PDE4D: variants seen among roughly 807,000 people sequenced by gnomAD.
The protein encoded by PDE4D is 3',5'-cyclic-AMP phosphodiesterase 4D.
PDE4D carries 24 observed loss-of-function variants against 87.4 expected under a neutral mutation model. The observed-to-expected ratio is 0.27, with a 90% CI of 0.20 to 0.39. The LOEUF (loss-of-function observed/expected upper bound fraction) is 0.39, where lower values mean the gene tolerates loss of function less well. Ranked by LOEUF, PDE4D falls within the 10% of genes least tolerant of loss-of-function variation. The pLI, the probability that PDE4D is intolerant of heterozygous loss-of-function variation, is 1.00. For synonymous variants in PDE4D, 384 were observed against 383.2 expected (o/e 1.00, Z -0.02); for missense variants, 714 against 1,041.0 (o/e 0.69, Z 4.32).
At chr5:59,215,670 T>C in intron 2 of PDE4D, 107 bp downstream of exon 2, 1 of 900,996 alleles carries the variant, frequency 1.1e-6, no homozygotes, top group South Asian at 1.5e-5. Context: ...CTTTCTACAT[T>C]GGAGGAGAGT....
At chr5:59,394,451 GC>G (rs1223434961) in intron 1 of PDE4D, among the ~76,000 whole-genome samples, 4 of 151,876 alleles carry the variant, frequency 2.6e-5, no homozygotes, top group Admixed American at 6.6e-5. Flanking sequence ...TTCTTTTTTT[GC>G]CCAATGTGTA....
At chr5:59,031,929 G>C (rs1757618819) in intron 6 of PDE4D, among the ~76,000 whole-genome samples, 3 of 152,038 alleles carry the variant, frequency 2.0e-5, no homozygotes, top group Admixed American at 2.0e-4. Context: ...GTTACCAGAG[G>C]CTGTAGAGGA....
At chr5:59,625,587 C>T (rs550327713) in intron 1 of PDE4D, among the ~76,000 whole-genome samples, 4 of 151,892 alleles carry the variant, frequency 2.6e-5, no homozygotes, top group East Asian at 1.9e-4. Context: ...ATAGCCAAAA[C>T]ATCTGGATAA....
In PDE4D at chr5:58,996,518, T is replaced by C. The variant is rs199921983; in HGVS notation, c.922-3053A>G. On this transcript the variant is annotated intron_variant, in intron 6 of 14. Transcript: ENST00000340635. ...AGGAGATGAGGCAAAGCTTTCACCA[T>C]TGCTAGAATCTCAGCAGTCTATACA... Among the ~76,000 whole-genome samples the C allele has an allele frequency of 3.1e-3, 469 of 152,266 alleles. 14 individuals are homozygous for C. The highest frequency in any genetic ancestry group is 1.2e-3 in the East Asian group (6 of 5,178).
chr5:60,129,475 A>G (rs555673319), intron 2 of PDE4D, among the ~76,000 whole-genome samples: 2 of 152,320 alleles, frequency 1.3e-5, no homozygotes, highest in South Asian at 4.1e-4. Flanking sequence ...GTATCTGATC[A>G]GTAATTTGAT....
At chr5:60,147,050 G>T (rs1781068574) in intron 2 of PDE4D, among the ~76,000 whole-genome samples, 1 of 152,124 alleles carries the variant, frequency 6.6e-6, no homozygotes, top group Admixed American at 6.5e-5. Context: ...CCATTCAAAT[G>T]AGCCACCATT....
At chr5:59,971,539 A>G (rs1760771726) in intron 3 of PDE4D, among the ~76,000 whole-genome samples, 2 of 152,132 alleles carry the variant, frequency 1.3e-5, no homozygotes, top group East Asian at 1.9e-4. Context: ...AACCACTCTC[A>G]TTAGGAGTCC....
At chr5:60,304,473 G>A (rs1248979545) in intron 1 of PDE4D, among the ~76,000 whole-genome samples, 2 of 150,718 alleles carry the variant, frequency 1.3e-5, no homozygotes, top group East Asian at 1.9e-4. Flanking sequence ...GTGAAACCCC[G>A]TCTCTACTAA....
At chr5:59,727,424 C>G (rs116793337) in intron 1 of PDE4D, among the ~76,000 whole-genome samples, 3,176 of 152,194 alleles carry the variant, frequency 0.021, 60 homozygotes, top group Non-Finnish European at 0.034. Flanking sequence ...GCATTAAAAG[C>G]AAGCTTCCAG....
intron 5 of PDE4D, among the ~76,000 whole-genome samples, chr5:59,079,666 T>TTAATAATAATAATAATAATAA (rs148255590): frequency 0.029 from 4,299 of 146,082 alleles, 87 homozygotes; most frequent in Middle Eastern, 0.046. Flanking sequence ...CTCTACAAAA[T>TTAATAATAATAATAATAATAA]TAATAATAAT....
At chr5:60,326,695 C>G (rs959261488) in intron 1 of PDE4D, among the ~76,000 whole-genome samples, 7 of 152,026 alleles carry the variant, frequency 4.6e-5, no homozygotes, top group South Asian at 2.1e-4. Flanking sequence ...CAGAGCTATT[C>G]GCTCACTGAC....
At chr5:58,978,251 C>T (rs1252554271) in intron 11 of PDE4D, among the ~76,000 whole-genome samples, 1 of 127,304 alleles carries the variant, frequency 7.9e-6, no homozygotes, top group Non-Finnish European at 1.7e-5. Context: ...CTCATCTCGA[C>T]AAATAATAAA....
intron 1 of PDE4D, among the ~76,000 whole-genome samples, chr5:59,717,669 C>G (rs575482550): frequency 6.6e-6 from 1 of 152,160 alleles, no homozygotes; most frequent in Non-Finnish European, 1.5e-5. Flanking sequence ...GGCTTCATTA[C>G]GATATTTAAG....
intron 1 of PDE4D, among the ~76,000 whole-genome samples, chr5:59,403,708 A>G (rs189173498): frequency 2.2e-3 from 329 of 152,206 alleles, no homozygotes; most frequent in Non-Finnish European, 3.9e-3. Flanking sequence ...TCATTCGTCT[A>G]TTGAGGGAAA....
chr5:60,334,430 A>C (rs1757568867), intron 1 of PDE4D, among the ~76,000 whole-genome samples: 1 of 152,162 alleles, frequency 6.6e-6, no homozygotes. Flanking sequence ...ATTATTGTAA[A>C]TCACATTACA....
chr5:59,496,231 G>A (rs937874443), intron 1 of PDE4D, among the ~76,000 whole-genome samples: 2 of 152,050 alleles, frequency 1.3e-5, no homozygotes, highest in African/African-American at 4.8e-5. Context: ...AGCATCTGTT[G>A]GTGTGCTCTT....
intron 5 of PDE4D, among the ~76,000 whole-genome samples, chr5:59,082,188 T>G (rs1441416274): frequency 6.6e-6 from 1 of 152,064 alleles, no homozygotes; most frequent in Non-Finnish European, 1.5e-5. Context: ...TATTAAAGAG[T>G]TGATAGTAAA....
At chr5:60,143,676 C>T (rs922009319) in intron 2 of PDE4D, among the ~76,000 whole-genome samples, 4 of 116,748 alleles carry the variant, frequency 3.4e-5, no homozygotes, top group East Asian at 2.2e-4. Flanking sequence ...GGGGAGGGGG[C>T]GGTTAAGCTC....
intron 1 of PDE4D, among the ~76,000 whole-genome samples, chr5:59,400,745 TAAAAA>T (rs773818889): frequency 1.8e-5 from 1 of 55,334 alleles, no homozygotes; most frequent in African/African-American, 7.2e-5. Context: ...ATAAAAAAAA[TAAAAA>T]AATAAATCTT....
Sources: gnomAD v4.1 joint callset for allele counts (sites outside exome capture counted in the v4.1 genomes callset) on GRCh38, gnomAD v4.1.1 for gene constraint, MANE v1.5 for transcripts, NCBI Gene and HGNC (gene_info 2026-07-23, HGNC 2026-07-21) for gene names.